Variants in SYTL2 observed in about 807,000 individuals in gnomAD.
SYTL2 encodes the protein synaptotagmin-like protein 2.
A neutral mutation model predicts 198.7 loss-of-function variants in SYTL2; 165 were observed. That is an observed-to-expected ratio of 0.83 (90% confidence interval 0.73 to 0.94). The LOEUF (loss-of-function observed/expected upper bound fraction) is 0.94, where lower values mean the gene tolerates loss of function less well. Ranked by LOEUF, SYTL2 falls within the 40% of genes least tolerant of loss-of-function variation. SYTL2 has a pLI of 0.00. For missense variants in SYTL2, 2,835 were observed against 2,582.8 expected (o/e 1.10, Z -2.12); for synonymous variants, 966 against 917.7 (o/e 1.05, Z -0.95).
At position 85,720,927 on chromosome 11, in the gene SYTL2, T is replaced by C. The variant is rs756862410; in HGVS notation, c.5359A>G (p.Thr1787Ala). 13 of 1,613,614 alleles carry C rather than the reference T, an allele frequency of 8.1e-6. No homozygotes were observed. Among genetic ancestry groups the C allele is most frequent in the Non-Finnish European group, 1.1e-5 (13 of 1,179,670 alleles). ...SEEEPSPVLK[T>A]LERSAARKMP... is the part of the protein sequence containing the mutation. ...TTCCTAGCGGCACTCCTTTCCAAAG[T>C]TTTCAAAACAGGACTGGGTTCTTCT... The change falls in exon 9 of 20, where the codon ACT becomes GCT. Residue 1787 changes from threonine to alanine, a missense_variant. Physicochemically the swap from Thr to Ala is moderately conservative, Grantham distance 58. Coordinates refer to ENST00000359152, the MANE Select transcript of SYTL2 (RefSeq NM_206927.4).
At chr11:85,808,611 G>A (rs910314316) in intron 1 of SYTL2, among the ~76,000 whole-genome samples, 2 of 152,022 alleles carry the variant, frequency 1.3e-5, no homozygotes, top group African/African-American at 2.4e-5. Context: ...CTGGGTACTC[G>A]AAGCCCCTAA....
At chr11:85,719,864 T>C (rs1393214672) in intron 9 of SYTL2, among the ~76,000 whole-genome samples, 1 of 152,232 alleles carries the variant, frequency 6.6e-6, no homozygotes, top group African/African-American at 2.4e-5. Context: ...TTTTTATTCT[T>C]AATTGCAAAT....
chr11:85,826,656 C>T, the SYTL2 span, among the ~76,000 whole-genome samples: 5 of 152,328 alleles, frequency 3.3e-5, no homozygotes, highest in African/African-American at 9.6e-5. Context: ...ACTTGCTGAG[C>T]CTCTAACGGT....
intron 17 of SYTL2, among the ~76,000 whole-genome samples, chr11:85,698,767 A>T (rs1340043737): frequency 2.6e-5 from 4 of 152,108 alleles, no homozygotes; most frequent in Admixed American, 2.0e-4. Context: ...TTGAACTCTT[A>T]AGCTCAAGGG....
At chr11:85,702,128 G>A (rs539241184) in intron 16 of SYTL2, among the ~76,000 whole-genome samples, 34 of 151,680 alleles carry the variant, frequency 2.2e-4, no homozygotes, top group Non-Finnish European at 4.1e-4. Context: ...CAGGGAACCT[G>A]TTAAAAATGT....
intron 9 of SYTL2, chr11:85,719,412 C>T (rs2087913066): frequency 1.3e-6 from 1 of 794,370 alleles, no homozygotes; most frequent in Admixed American, 5.0e-5. Flanking sequence ...TTTTTTTAAC[C>T]CTATACATTC....
At chr11:85,717,431 A>T (rs560765251) in intron 11 of SYTL2, 52 bp downstream of exon 11, 43 of 1,463,008 alleles carry the variant, frequency 2.9e-5, no homozygotes, top group Non-Finnish European at 4.0e-5. Context: ...CAGTATATTT[A>T]ATATGTAAAG....
the SYTL2 span, among the ~76,000 whole-genome samples, chr11:85,821,105 T>G: frequency 6.6e-6 from 1 of 152,246 alleles, no homozygotes; most frequent in Admixed American, 6.5e-5. Flanking sequence ...TGATAACACC[T>G]ATTAATTATG....
At chr11:85,734,846 T>C (rs2090179869) in intron 6 of SYTL2, 104 bp from the exon 7 acceptor site, 4 of 877,464 alleles carry the variant, frequency 4.6e-6, no homozygotes, top group African/African-American at 1.7e-5. Context: ...TATTAAAATA[T>C]TAAAGACAGT....
At chr11:85,781,545 G>A (rs1011398545) in intron 1 of SYTL2, among the ~76,000 whole-genome samples, 2 of 152,104 alleles carry the variant, frequency 1.3e-5, no homozygotes, top group Non-Finnish European at 2.9e-5. Context: ...TAACTCAGAA[G>A]CCCACAGTTC....
rs2090997391 is a variant in SYTL2 at position 85,744,173 on chromosome 11, T to TA, written c.389+1463dup. ...TGGTGTTCCTGAAATATCTTATATG[T>TA]AGGCAAGAGCTCATGCTTCCATTTC... On this transcript the variant is annotated intron_variant, in intron 4 of 19. Coordinates refer to ENST00000359152, the MANE Select transcript of SYTL2 (RefSeq NM_206927.4). 2.0e-5 allele frequency among the ~76,000 whole-genome samples: 3 copies of TA among 152,308 alleles called. No homozygotes were observed. In the South Asian group the frequency reaches 6.2e-4, roughly 32 times the overall value.
intron 4 of SYTL2, among the ~76,000 whole-genome samples, chr11:85,740,337 A>T (rs559093962): frequency 1.5e-4 from 23 of 152,006 alleles, no homozygotes; most frequent in Non-Finnish European, 2.6e-4. Context: ...TTCTTTGTCT[A>T]CCCAAATCGT....
chr11:85,766,709 CAG>C (rs1366950883), intron 1 of SYTL2, among the ~76,000 whole-genome samples: 1 of 152,112 alleles, frequency 6.6e-6, no homozygotes, highest in African/African-American at 2.4e-5. Flanking sequence ...TCCCCTGCCT[CAG>C]AGAGTTTAGA....
intron 1 of SYTL2, among the ~76,000 whole-genome samples, chr11:85,807,858 G>C (rs746611897): frequency 7.9e-5 from 12 of 152,088 alleles, no homozygotes; most frequent in Non-Finnish European, 1.5e-4. Flanking sequence ...TAACCTTCAT[G>C]ATGCTTTTAA....
intron 7 of SYTL2, among the ~76,000 whole-genome samples, chr11:85,731,223 T>G (rs1319058737): frequency 2.0e-5 from 3 of 152,098 alleles, no homozygotes; most frequent in Non-Finnish European, 4.4e-5. Context: ...CATCACAGAA[T>G]TAGAAAAAAG....
chr11:85,816,133 C>CT (rs569996181), upstream of SYTL2, among the ~76,000 whole-genome samples: 3 of 152,116 alleles, frequency 2.0e-5, no homozygotes, highest in East Asian at 5.8e-4. Flanking sequence ...CCACTGCATT[C>CT]CAGCCTGGGT....
the SYTL2 span, among the ~76,000 whole-genome samples, chr11:85,840,103 T>C: frequency 6.6e-6 from 1 of 152,244 alleles, no homozygotes; most frequent in Non-Finnish European, 1.5e-5. Context: ...AAATGTCTAT[T>C]CAAATCTTTT....
At chr11:85,759,967 A>G (rs2092048464) in intron 1 of SYTL2, among the ~76,000 whole-genome samples, 1 of 152,152 alleles carries the variant, frequency 6.6e-6, no homozygotes, top group Non-Finnish European at 1.5e-5. Context: ...GAACTATACT[A>G]TCATGTTCCC....
chr11:85,808,396 A>C (rs1181198395), intron 1 of SYTL2, among the ~76,000 whole-genome samples: 1 of 152,120 alleles, frequency 6.6e-6, no homozygotes, highest in Non-Finnish European at 1.5e-5. Flanking sequence ...TCTGGATCTT[A>C]TATTTTTTTC....
Sources: allele counts gnomAD v4.1 joint callset (sites outside exome capture counted in the v4.1 genomes callset), GRCh38; gene constraint gnomAD v4.1.1; transcripts MANE v1.5; gene names NCBI Gene and HGNC (gene_info 2026-07-23, HGNC 2026-07-21).